The following LRRC14B variants were observed in gnomAD, a reference collection of about 807,000 sequenced individuals.
The protein encoded by LRRC14B is leucine rich repeat containing 14B, also known as leucine-rich repeat-containing protein 14B.
Under a neutral mutation model 16.9 loss-of-function variants are expected in LRRC14B, and 23 were observed. The observed-to-expected ratio is 1.36, with a 90% CI of 0.98 to 1.92. LRRC14B has a LOEUF of 1.92. Among genes scored for constraint, LRRC14B ranks in the 30% most tolerant of loss-of-function variants. The pLI is 0.00. For missense variants in LRRC14B, 766 were observed against 705.7 expected (o/e 1.09, Z -0.97); for synonymous variants, 358 against 332.5 (o/e 1.08, Z -0.83).
chr5:191,901 G>T lies in LRRC14B; in HGVS notation c.363G>T (p.Gln121His), dbSNP rs975498871. ...CGGGCATCCGAGATGTGCAGGTGCA[G>T]CGGTGCCCGTGCGGGAGGGCGCTGG... ...DLTGIRDVQVQRCPCGRALGR... is the reference protein window; with the variant it reads ...DLTGIRDVQVHRCPCGRALGR... Residue 121 changes from glutamine to histidine, a missense_variant, in exon 1 of 2, where the codon CAG becomes CAT. Transcript: ENST00000328278. 14 of 1,511,336 alleles carry T rather than the reference G, an allele frequency of 9.3e-6. No homozygotes were observed. The highest frequency in any genetic ancestry group is 1.1e-5 in the Non-Finnish European group (13 of 1,134,448). 93.6% of individuals were successfully genotyped at this position (1,511,336 alleles called of 1,614,324 possible). A position where few individuals can be genotyped will look rare whatever the true frequency, so the allele number is the denominator to read the frequency against.
At chr5:193,283 GTGGGTCCGGGGGGCACCCAGTTT>G (rs1198792047) in intron 1 of LRRC14B, among the ~76,000 whole-genome samples, 1 of 149,184 alleles carries the variant, frequency 6.7e-6, no homozygotes, top group African/African-American at 2.5e-5. Flanking sequence ...CAACCTAGCG[GTGGGTCCGGGGGGCACCCAGTTT>G]TGGGTCCTGG....
intron 1 of LRRC14B, among the ~76,000 whole-genome samples, chr5:193,070 G>A (rs1372035361): frequency 3.3e-5 from 5 of 151,898 alleles, no homozygotes; most frequent in Non-Finnish European, 7.4e-5. Context: ...GGGGATGCCC[G>A]GCGGTGGGTC....
Position 195,742 on chromosome 5 carries a change from C to T in LRRC14B, c.*389C>T, listed in dbSNP as rs907798720. On this transcript the variant is annotated 3_prime_UTR_variant, in exon 2 of 2. Transcript: ENST00000328278. ...GCTTCAGGGGGCAGATGTGACTGGG[C>T]TCCACAGCAGGGAGGGGGAGGGGAA... The T allele has an allele frequency of 8.4e-6, 2 of 238,682 alleles. No homozygotes were observed. The highest frequency in any genetic ancestry group is 6.8e-5 in the South Asian group (1 of 14,690). The allele number at this position is 238,682 out of a possible 1,614,324, so 14.8% of individuals were successfully genotyped here. A position where few individuals can be genotyped will look rare whatever the true frequency, so the allele number is the denominator to read the frequency against.
chr5:191,527 C>T lies in LRRC14B; in HGVS notation c.-12C>T. On this transcript the variant is annotated 5_prime_UTR_variant, in exon 1 of 2. Transcript: ENST00000328278. ...TTGGGGAAAGTCGTGGGGAGCGGTC[C>T]TGTCTCGGGCCATGGACACAATGAG... 6.3e-7 allele frequency: 1 copy of T among 1,597,362 alleles called. No individual in the cohort carries two copies. The highest frequency in any genetic ancestry group is 1.7e-5 in the Admixed American group (1 of 59,426).
intron 1 of LRRC14B, among the ~76,000 whole-genome samples, chr5:192,924 G>A (rs1043533691): frequency 1.3e-5 from 2 of 152,172 alleles, no homozygotes; most frequent in African/African-American, 4.8e-5. Flanking sequence ...GGAGGCCTGG[G>A]CTCCATGCTG....
Position 195,070 on chromosome 5 carries a change from T to C in LRRC14B, c.1262T>C (p.Ile421Thr). ...TGTGAGCTCCCCGAGCTGCGCTGCA[T>C]TGAGTTCCCGGTGCCCAAGGACTGC... is the stretch of plus-strand genomic sequence containing the variant. ...ALCELPELRC[I>T]EFPVPKDCYP... The change falls in exon 2 of 2, where the codon ATT becomes ACT. Residue 421 changes from isoleucine to threonine, a missense_variant. By Grantham distance (89) the Ile-to-Thr change is moderately conservative. Coordinates refer to ENST00000328278, the MANE Select transcript of LRRC14B (RefSeq NM_001080478.3). The C allele has an allele frequency of 6.2e-7, 1 of 1,613,772 alleles. No individual in the cohort carries two copies. Among genetic ancestry groups the C allele is most frequent in the East Asian group, 2.2e-5 (1 of 44,888 alleles).
At chr5:193,753 C>T (rs1733855888) in intron 1 of LRRC14B, among the ~76,000 whole-genome samples, 1 of 151,876 alleles carries the variant, frequency 6.6e-6, no homozygotes, top group South Asian at 2.1e-4. Context: ...TGGCAGTGGT[C>T]CCAGTCCTGG....
In LRRC14B at chr5:195,080, G is replaced by A. The variant is rs115709207; in HGVS notation, c.1272G>A (p.Pro424=). The A allele has an allele frequency of 3.1e-3, 5,068 of 1,613,760 alleles. 132 individuals are homozygous for A. The African/African-American group carries it at 0.057, about 18-fold the overall frequency. ...CCGAGCTGCGCTGCATTGAGTTCCC[G>A]GTGCCCAAGGACTGCTACCCCGAGG... ...ELPELRCIEF[P]VPKDCYPEGA... The change falls in exon 2 of 2, where the codon CCG becomes CCA. Residue 424 remains proline, a synonymous_variant. Transcript: ENST00000328278.
chr5:195,707 G>A lies in LRRC14B; in HGVS notation c.*354G>A, dbSNP rs551946511. On this transcript the variant is annotated 3_prime_UTR_variant, in exon 2 of 2. Coordinates refer to ENST00000328278, the MANE Select transcript of LRRC14B (RefSeq NM_001080478.3). ...GCCTCAGCGCATCTGGGCACTGGGC[G>A]CAAGATGAAGCTTCAGGGGGCAGAT... 76 of 310,460 alleles carry A rather than the reference G, an allele frequency of 2.4e-4. No individual in the cohort carries two copies. The highest frequency in any genetic ancestry group is 1.5e-3 in the South Asian group (38 of 25,398). The allele number at this position is 310,460 out of a possible 1,614,324, so 19.2% of individuals were successfully genotyped here. A position where few individuals can be genotyped will look rare whatever the true frequency, so the allele number is the denominator to read the frequency against.
chr5:194,581 G>A (rs1733875841), intron 1 of LRRC14B, 127 bp from the exon 2 acceptor site: 1 of 795,216 alleles, frequency 1.3e-6, no homozygotes, highest in Admixed American at 3.0e-5. Flanking sequence ...TATGAAATTA[G>A]GCGGTGGTTG....
chr5:191,586 G>A lies in LRRC14B; in HGVS notation c.48G>A (p.Val16=). The part of the protein sequence containing the change: ...SLRFISAEAL[V]SHPQVARQSL... ...GCTTCATTTCTGCAGAAGCTCTGGT[G>A]TCCCACCCCCAGGTGGCCCGGCAGA... Residue 16 remains valine (V), a synonymous_variant, in exon 1 of 2, where the codon GTG becomes GTA. Transcript: ENST00000328278. 1 of 1,612,440 alleles carries A rather than the reference G, an allele frequency of 6.2e-7. No individual in the cohort carries two copies. Among genetic ancestry groups the A allele is most frequent in the Non-Finnish European group, 8.5e-7 (1 of 1,179,620 alleles).
Position 195,464 on chromosome 5 carries a change from C to G in LRRC14B, c.*111C>G, listed in dbSNP as rs150867587. 4.8e-4 allele frequency: 482 copies of G among 1,002,658 alleles called. 3 individuals carry two copies. Among genetic ancestry groups the G allele is most frequent in the Non-Finnish European group, 6.7e-4 (467 of 693,588 alleles). The allele number at this position is 1,002,658 out of a possible 1,614,324, so 62.1% of individuals were successfully genotyped here. ...GCATTCATCCCCACCACCACCACCA[C>G]CAAAAGCAGTTCTTAGTGAAAATTG... On this transcript the variant is annotated 3_prime_UTR_variant, in exon 2 of 2. Transcript: ENST00000328278.
chr5:195,235 T>C lies in LRRC14B; in HGVS notation c.1427T>C (p.Leu476Pro), dbSNP rs180914579. Reference protein sequence around the residue: ...DREDIQVSTPLFGSFDPDIQE... With the variant: ...DREDIQVSTPPFGSFDPDIQE... ...GAGGACATCCAAGTCTCCACACCTC[T>C]CTTTGGAAGTTTTGACCCAGACATT... is the stretch of plus-strand genomic sequence containing the variant. Residue 476 changes from leucine (L) to proline (P), a missense_variant, in exon 2 of 2, where the codon CTC becomes CCC. Physicochemically the swap from Leu to Pro is moderately conservative, Grantham distance 98. Transcript: ENST00000328278. The C allele has an allele frequency of 6.2e-7, 1 of 1,613,574 alleles. No individual in the cohort carries two copies. The highest frequency in any genetic ancestry group is 2.2e-5 in the East Asian group (1 of 44,884).
In LRRC14B at chr5:196,308, T is replaced by G. The variant is rs1162181619; in HGVS notation, c.*955T>G. The G allele has an allele frequency of 6.6e-6, 1 of 152,192 alleles. No individual in the cohort carries two copies. The highest frequency in any genetic ancestry group is 2.4e-5 in the African/African-American group (1 of 41,436). 9.4% of individuals were successfully genotyped at this position (152,192 alleles called of 1,614,324 possible). A position where few individuals can be genotyped will look rare whatever the true frequency, so the allele number is the denominator to read the frequency against. On this transcript the variant is annotated 3_prime_UTR_variant, in exon 2 of 2. Coordinates refer to ENST00000328278, the MANE Select transcript of LRRC14B (RefSeq NM_001080478.3). ...ATGGCTGAGCACTAGAATAACTAAA[T>G]GCAAATAAAATGCGTCTTTCAGTGC...
chr5:193,931 G>C (rs1256321313), intron 1 of LRRC14B, among the ~76,000 whole-genome samples: 2 of 152,082 alleles, frequency 1.3e-5, no homozygotes, highest in Non-Finnish European at 2.9e-5. Flanking sequence ...CTGCTCTGGA[G>C]ATCTCCCTTA....
rs1733808955 is a variant in LRRC14B at position 192,007 on chromosome 5, G to A, written c.469G>A (p.Glu157Lys). 2.6e-6 allele frequency: 4 copies of A among 1,534,754 alleles called. No individual in the cohort carries two copies. Among genetic ancestry groups the A allele is most frequent in the Middle Eastern group, 1.8e-4 (1 of 5,614 alleles). The change falls in exon 1 of 2, where the codon GAG (glutamate) becomes AAG (lysine). Residue 157 changes from glutamate to lysine, a missense_variant. Glu to Lys is a moderately conservative substitution (Grantham distance 56, BLOSUM62 1). Coordinates refer to ENST00000328278, the MANE Select transcript of LRRC14B (RefSeq NM_001080478.3). ...GCCCCTCGCAGCCGGGCGCCCCGTCGAGGTCCTCGCCGACCTCTTCGTCAC... is the reference window on the plus strand; with the variant it reads ...GCCCCTCGCAGCCGGGCGCCCCGTCAAGGTCCTCGCCGACCTCTTCGTCAC... ...AEPLAAGRPV[E>K]VLADLFVTEG...
At position 192,167 on chromosome 5, in the gene LRRC14B, C is replaced by T. The variant is rs1168619606; in HGVS notation, c.629C>T (p.Pro210Leu). Residue 210 changes from proline (P) to leucine (L), a missense_variant, in exon 1 of 2, where the codon CCG becomes CTG. Transcript: ENST00000328278. ...CTGCACGTGCTGCGTCTGGCTGGCCCGGGTGCCCTGCGCAAGCTGGAGGTG... is the reference window on the plus strand; with the variant it reads ...CTGCACGTGCTGCGTCTGGCTGGCCTGGGTGCCCTGCGCAAGCTGGAGGTG... The part of the protein sequence containing the change: ...QLLHVLRLAG[P>L]GALRKLEVVH... 10 of 1,599,006 alleles carry T rather than the reference C, an allele frequency of 6.3e-6. No individual in the cohort carries two copies. Among genetic ancestry groups the T allele is most frequent in the South Asian group, 3.4e-5 (3 of 88,578 alleles).
Position 194,919 on chromosome 5 carries a change from G to C in LRRC14B, c.1111G>C (p.Gly371Arg). 1 of 1,610,370 alleles carries C rather than the reference G, an allele frequency of 6.2e-7. No homozygotes were observed. The highest frequency in any genetic ancestry group is 1.1e-5 in the South Asian group (1 of 90,600). The stretch of plus-strand genomic sequence containing the variant: ...GAGGATCCTGACACTGGAGGAGTGT[G>C]GCATCGTAGACAGCCACGTTGGCAT... ...TLRILTLEEC[G>R]IVDSHVGMLI... Residue 371 changes from glycine to arginine, a missense_variant, in exon 2 of 2, where the codon GGC (glycine) becomes CGC (arginine). Physicochemically the swap from Gly to Arg is moderately radical, Grantham distance 125 (BLOSUM62 -2). Coordinates refer to ENST00000328278, the MANE Select transcript of LRRC14B (RefSeq NM_001080478.3).
rs1465423626 is a variant in LRRC14B at position 192,466 on chromosome 5, G to A, written c.899+29G>A. On this transcript the variant is annotated intron_variant, in intron 1 of 1. Transcript: ENST00000328278. ...AGTCTTGGGGAGGGGACTGAGGGCGGGCTGGTGGCTGCAGAGGCAAGGAGA... is the reference window on the plus strand; with the variant it reads ...AGTCTTGGGGAGGGGACTGAGGGCGAGCTGGTGGCTGCAGAGGCAAGGAGA... 5.4e-6 allele frequency: 8 copies of A among 1,482,372 alleles called. No individual in the cohort carries two copies. The African/African-American group carries it at 8.5e-5, about 16-fold the overall frequency. The allele number at this position is 1,482,372 out of a possible 1,614,324, so 91.8% of individuals were successfully genotyped here.
Sources: allele counts gnomAD v4.1 joint callset (sites outside exome capture counted in the v4.1 genomes callset), GRCh38; gene constraint gnomAD v4.1.1; transcripts MANE v1.5; gene names NCBI Gene and HGNC (gene_info 2026-07-23, HGNC 2026-07-21).